EPC2: variants seen among roughly 807,000 people sequenced by gnomAD.
EPC2 encodes enhancer of polycomb 2.
Under a neutral mutation model 92.1 loss-of-function variants are expected in EPC2, and 14 were observed. The ratio of observed to expected loss-of-function variants is 0.15; its 90% CI spans 0.10 to 0.24. EPC2 has a LOEUF of 0.24. EPC2 is among the 10% of genes least tolerant of loss of function. The pLI, the probability that EPC2 is intolerant of heterozygous loss-of-function variation, is 1.00. For missense variants in EPC2, 755 were observed against 971.5 expected (o/e 0.78, Z 2.96); for synonymous variants, 340 against 334.7 (o/e 1.02, Z -0.17).
chr2:148,760,099 T>G (rs955075572), intron 4 of EPC2, among the ~76,000 whole-genome samples: 11 of 152,112 alleles, frequency 7.2e-5, no homozygotes, highest in African/African-American at 2.4e-4. Context: ...AAAAAATAGC[T>G]GGGTGTGATG....
intron 1 of EPC2, among the ~76,000 whole-genome samples, chr2:148,682,002 C>T (rs1266805740): frequency 6.6e-6 from 1 of 152,066 alleles, no homozygotes; most frequent in Non-Finnish European, 1.5e-5. Flanking sequence ...ATAGTTTGCT[C>T]AGAATGATGG....
intron 1 of EPC2, among the ~76,000 whole-genome samples, chr2:148,673,369 A>C (rs1383500010): frequency 6.6e-6 from 1 of 152,052 alleles, no homozygotes; most frequent in Non-Finnish European, 1.5e-5. Flanking sequence ...GTGTTTCTTC[A>C]CATTTCTTCA....
intron 3 of EPC2, among the ~76,000 whole-genome samples, chr2:148,747,022 A>T (rs1682997473): frequency 6.6e-6 from 1 of 152,110 alleles, no homozygotes; most frequent in Non-Finnish European, 1.5e-5. Context: ...CTTTCATAGG[A>T]TTTTCTCTAA....
At chr2:148,748,780 G>A (rs1683035107) in intron 3 of EPC2, among the ~76,000 whole-genome samples, 1 of 151,872 alleles carries the variant, frequency 6.6e-6, no homozygotes, top group South Asian at 2.1e-4. Context: ...CGTCAGGTGT[G>A]GAATTTTACA....
intron 1 of EPC2, among the ~76,000 whole-genome samples, chr2:148,677,396 C>T (rs554364642): frequency 3.9e-5 from 6 of 152,160 alleles, no homozygotes; most frequent in South Asian, 4.1e-4. Flanking sequence ...TAAAATAAGG[C>T]CAGCATGCTG....
At chr2:148,737,661 A>C (rs558393153) in intron 2 of EPC2, among the ~76,000 whole-genome samples, 1 of 152,190 alleles carries the variant, frequency 6.6e-6, no homozygotes, top group Admixed American at 6.5e-5. Context: ...AAATAGTTGC[A>C]TAGCTACACT....
intron 1 of EPC2, among the ~76,000 whole-genome samples, chr2:148,654,938 T>C (rs1680761186): frequency 6.6e-6 from 1 of 152,192 alleles, no homozygotes; most frequent in African/African-American, 2.4e-5. Flanking sequence ...AGATAAGTTT[T>C]AGTGATGAAA....
At chr2:148,712,347 A>G (rs964706788) in intron 2 of EPC2, among the ~76,000 whole-genome samples, 2 of 152,088 alleles carry the variant, frequency 1.3e-5, no homozygotes, top group Non-Finnish European at 2.9e-5. Context: ...AGGTTGTACA[A>G]GTACTTTATA....
chr2:148,787,315 G>A lies in EPC2; in HGVS notation c.*938G>A, dbSNP rs1683888781. Reference sequence around the variant, plus strand: ...TTGGGCGGGGGGAGGGTTGTGGCAAGATTGTCTTTTCAATTTTGGAGAGTT... The same window carrying A: ...TTGGGCGGGGGGAGGGTTGTGGCAAAATTGTCTTTTCAATTTTGGAGAGTT... On this transcript the variant is annotated 3_prime_UTR_variant, in exon 14 of 14. Coordinates refer to ENST00000258484, the MANE Select transcript of EPC2 (RefSeq NM_015630.4). The A allele has an allele frequency of 6.6e-6, 1 of 152,590 alleles. No individual in the cohort carries two copies. The highest frequency in any genetic ancestry group is 2.1e-4 in the South Asian group (1 of 4,826). 9.5% of individuals were successfully genotyped at this position (152,590 alleles called of 1,614,324 possible). A position where few individuals can be genotyped will look rare whatever the true frequency, so the allele number is the denominator to read the frequency against.
intron 2 of EPC2, among the ~76,000 whole-genome samples, chr2:148,694,772 C>T (rs1440617895): frequency 6.6e-6 from 1 of 152,122 alleles, no homozygotes; most frequent in Non-Finnish European, 1.5e-5. Context: ...CCTCCCCCCG[C>T]CCAAACCCTG....
intron 1 of EPC2, among the ~76,000 whole-genome samples, chr2:148,648,585 T>C (rs561044521): frequency 2.9e-4 from 44 of 152,334 alleles, no homozygotes; most frequent in African/African-American, 7.9e-4. Context: ...AACTGTGCTG[T>C]CCTGCTTGGT....
chr2:148,668,850 T>C (rs1681102348), intron 1 of EPC2, among the ~76,000 whole-genome samples: 1 of 152,164 alleles, frequency 6.6e-6, no homozygotes. Flanking sequence ...TTGGTTTTGT[T>C]GATCTTTCTC....
chr2:148,657,671 T>A (rs1298542362), intron 1 of EPC2, among the ~76,000 whole-genome samples: 1 of 151,948 alleles, frequency 6.6e-6, no homozygotes, highest in Admixed American at 6.6e-5. Context: ...TAAAGTACAC[T>A]TAAAAGCTTT....
chr2:148,645,210 C>T lies in EPC2; in HGVS notation c.153+40C>T, dbSNP rs781090430. 3 of 1,500,080 alleles carry T rather than the reference C, an allele frequency of 2.0e-6. No homozygotes were observed. The African/African-American group carries it at 4.2e-5, about 21-fold the overall frequency. The allele number at this position is 1,500,080 out of a possible 1,614,324, so 92.9% of individuals were successfully genotyped here. On this transcript the variant is annotated intron_variant, in intron 1 of 13. Transcript: ENST00000258484. ...GTTTATTACCCCCCCTTCCCTCCTC[C>T]CCCCTCCCCTTTGTCAGTCGGGCCT... is the stretch of plus-strand genomic sequence containing the variant.
chr2:148,728,964 G>A (rs1342352014), intron 2 of EPC2, among the ~76,000 whole-genome samples: 4 of 148,336 alleles, frequency 2.7e-5, no homozygotes, highest in Admixed American at 1.4e-4. Context: ...CCCGGGAGGC[G>A]GAGTTTGCAG....
chr2:148,742,963 A>C (rs1381733290), intron 2 of EPC2, among the ~76,000 whole-genome samples: 1 of 152,042 alleles, frequency 6.6e-6, no homozygotes, highest in African/African-American at 2.4e-5. Context: ...TCTTGACTTA[A>C]AGTTTTCTAA....
At chr2:148,681,933 C>T (rs1681405568) in intron 1 of EPC2, among the ~76,000 whole-genome samples, 1 of 152,116 alleles carries the variant, frequency 6.6e-6, no homozygotes, top group Non-Finnish European at 1.5e-5. Flanking sequence ...CAAGTGTTCT[C>T]ATTATTCAGT....
At chr2:148,760,581 C>T (rs1193963866) in intron 4 of EPC2, among the ~76,000 whole-genome samples, 1 of 151,918 alleles carries the variant, frequency 6.6e-6, no homozygotes, top group Non-Finnish European at 1.5e-5. Flanking sequence ...TTATTGCTGC[C>T]TGTTTAAAAA....
intron 11 of EPC2, among the ~76,000 whole-genome samples, chr2:148,782,833 GT>G (rs1367628789): frequency 6.6e-6 from 1 of 152,118 alleles, no homozygotes; most frequent in African/African-American, 2.4e-5. Context: ...TAAACCTTGC[GT>G]TTTAGGTCTT....
Sources: allele counts gnomAD v4.1 joint callset (sites outside exome capture counted in the v4.1 genomes callset), GRCh38; gene constraint gnomAD v4.1.1; transcripts MANE v1.5; gene names NCBI Gene and HGNC (gene_info 2026-07-23, HGNC 2026-07-21).